Variants in LRRTM4 observed in about 807,000 individuals in gnomAD.
LRRTM4 encodes the protein leucine rich repeat transmembrane neuronal 4.
In LRRTM4, 25 loss-of-function variants were observed where a neutral mutation model predicts 47.6. The ratio of observed to expected loss-of-function variants is 0.53; its 90% confidence interval spans 0.38 to 0.73. The LOEUF is 0.73. Among genes scored for constraint, LRRTM4 ranks in the 30% least tolerant of loss-of-function variants. LRRTM4 has a pLI of 0.00. For missense variants in LRRTM4, 638 were observed against 713.4 expected (o/e 0.89, Z 1.20); for synonymous variants, 311 against 269.5 (o/e 1.15, Z -1.51).
intron 3 of LRRTM4, among the ~76,000 whole-genome samples, chr2:77,293,781 G>A (rs114825521): frequency 6.6e-6 from 1 of 152,062 alleles, no homozygotes; most frequent in South Asian, 2.1e-4. Context: ...ATAATTGCTG[G>A]TGTGGGACAC....
chr2:77,444,623 A>G (rs1675977426), intron 3 of LRRTM4, among the ~76,000 whole-genome samples: 1 of 151,934 alleles, frequency 6.6e-6, no homozygotes, highest in South Asian at 2.1e-4. Context: ...AACTTGGGGG[A>G]AAAAACACCA....
chr2:77,068,711 GTTGA>G (rs1441430326), intron 3 of LRRTM4, among the ~76,000 whole-genome samples: 4 of 152,202 alleles, frequency 2.6e-5, no homozygotes, highest in South Asian at 2.1e-4. Flanking sequence ...CTGTTATTCA[GTTGA>G]TTGACATTTG....
chr2:77,137,512 G>A (rs1455662498), intron 3 of LRRTM4, among the ~76,000 whole-genome samples: 1 of 151,958 alleles, frequency 6.6e-6, no homozygotes, highest in Admixed American at 6.6e-5. Flanking sequence ...ACCAGCCACT[G>A]CAAAAACATG....
chr2:77,088,786 C>G (rs565772850), intron 3 of LRRTM4, among the ~76,000 whole-genome samples: 18 of 152,266 alleles, frequency 1.2e-4, no homozygotes, highest in Admixed American at 8.5e-4. Context: ...TCCTCAGACC[C>G]ACCAGCCCAA....
intron 3 of LRRTM4, among the ~76,000 whole-genome samples, chr2:77,319,197 T>A (rs923655094): frequency 1.3e-5 from 2 of 151,842 alleles, no homozygotes; most frequent in Non-Finnish European, 2.9e-5. Flanking sequence ...ACCAGCCTGG[T>A]CAAAATAGTG....
At chr2:77,088,188 G>C (rs868187946) in intron 3 of LRRTM4, among the ~76,000 whole-genome samples, 4 of 152,130 alleles carry the variant, frequency 2.6e-5, no homozygotes, top group African/African-American at 7.2e-5. Context: ...TACTGCCTAC[G>C]TGGTTAACCC....
chr2:77,124,797 G>T (rs1204513951), intron 3 of LRRTM4, among the ~76,000 whole-genome samples: 1 of 152,142 alleles, frequency 6.6e-6, no homozygotes, highest in Non-Finnish European at 1.5e-5. Flanking sequence ...GGTGTTTGGG[G>T]CTGTGATGTA....
chr2:77,216,646 A>AG (rs1490962020), intron 3 of LRRTM4, among the ~76,000 whole-genome samples: 2 of 152,236 alleles, frequency 1.3e-5, no homozygotes, highest in African/African-American at 2.4e-5. Flanking sequence ...CTAAGCAGTT[A>AG]GAACTGAGTC....
At chr2:76,951,571 G>A (rs1009668497) in intron 3 of LRRTM4, among the ~76,000 whole-genome samples, 1 of 151,722 alleles carries the variant, frequency 6.6e-6, no homozygotes, top group Non-Finnish European at 1.5e-5. Context: ...AAATTTCAAG[G>A]TTTGTTTGAC....
At chr2:77,454,191 A>C (rs910418334) in intron 3 of LRRTM4, among the ~76,000 whole-genome samples, 1 of 152,254 alleles carries the variant, frequency 6.6e-6, no homozygotes, top group Non-Finnish European at 1.5e-5. Flanking sequence ...TAATGTAAAT[A>C]ATATTTTAAA....
chr2:77,256,397 A>G (rs1280262199), intron 3 of LRRTM4, among the ~76,000 whole-genome samples: 1 of 152,062 alleles, frequency 6.6e-6, no homozygotes, highest in Non-Finnish European at 1.5e-5. Context: ...AAAAGAGAAG[A>G]CTTCTCATAT....
chr2:76,903,607 A>G (rs1023417344), intron 3 of LRRTM4, among the ~76,000 whole-genome samples: 1 of 152,174 alleles, frequency 6.6e-6, no homozygotes, highest in Non-Finnish European at 1.5e-5. Flanking sequence ...TATTTTATCT[A>G]ATCTTGATGG....
chr2:76,937,082 C>G (rs1674979902), intron 3 of LRRTM4, among the ~76,000 whole-genome samples: 1 of 148,642 alleles, frequency 6.7e-6, no homozygotes, highest in African/African-American at 2.5e-5. Context: ...TAAGCATCAT[C>G]TGAGGGTGAA....
intron 3 of LRRTM4, among the ~76,000 whole-genome samples, chr2:77,329,337 A>C (rs1670889041): frequency 6.6e-6 from 1 of 152,202 alleles, no homozygotes; most frequent in Non-Finnish European, 1.5e-5. Flanking sequence ...CTGGGCTAGG[A>C]ATCCTTCTGG....
At chr2:77,142,562 A>C (rs898482011) in intron 3 of LRRTM4, among the ~76,000 whole-genome samples, 1 of 152,144 alleles carries the variant, frequency 6.6e-6, no homozygotes, top group Non-Finnish European at 1.5e-5. Flanking sequence ...TAATTATTGA[A>C]TTCAAATATT....
intron 3 of LRRTM4, among the ~76,000 whole-genome samples, chr2:77,455,039 T>G (rs1274918156): frequency 1.3e-5 from 2 of 151,988 alleles, no homozygotes; most frequent in African/African-American, 4.8e-5. Context: ...AATACAAAAA[T>G]TAGCCAGATG....
chr2:77,124,866 C>T (rs957665063), intron 3 of LRRTM4, among the ~76,000 whole-genome samples: 1 of 151,972 alleles, frequency 6.6e-6, no homozygotes, highest in Non-Finnish European at 1.5e-5. Context: ...TTTTCAAAAC[C>T]GTGTCTGTGG....
chr2:76,931,938 G>A (rs1674782837), intron 3 of LRRTM4, among the ~76,000 whole-genome samples: 1 of 152,044 alleles, frequency 6.6e-6, no homozygotes, highest in Non-Finnish European at 1.5e-5. Context: ...GGCAGAACAG[G>A]GAGGTTACTA....
Position 77,278,424 on chromosome 2 carries a change from C to T in LRRTM4, c.1551+239894G>A, listed in dbSNP as rs113026437. Among the ~76,000 whole-genome samples, 692 of 151,812 alleles carry T rather than the reference C, an allele frequency of 4.6e-3. 3 individuals are homozygous for T. The highest frequency in any genetic ancestry group is 4.5e-3 in the Non-Finnish European group (308 of 67,878). On this transcript the variant is annotated intron_variant, in intron 3 of 3. Coordinates refer to ENST00000409884, the MANE Select transcript of LRRTM4 (RefSeq NM_001134745.3). ...CTTAAAAATTCACCATACTTATGTC[C>T]GTGAATGTTGATCAGTACTTTTAAA...
Sources: allele counts gnomAD v4.1 joint callset (sites outside exome capture counted in the v4.1 genomes callset), GRCh38; gene constraint gnomAD v4.1.1; transcripts MANE v1.5; gene names NCBI Gene and HGNC (gene_info 2026-07-23, HGNC 2026-07-21).